The following SAMD13 variants were observed in gnomAD, a reference collection of about 807,000 sequenced individuals.
SAMD13 encodes sterile alpha motif domain-containing protein 13.
Under a neutral mutation model 12.4 loss-of-function variants are expected in SAMD13, and 9 were observed. The observed-to-expected ratio is 0.72, with a 90% CI of 0.44 to 1.26. SAMD13 has a LOEUF of 1.26. Ranked by LOEUF, SAMD13 falls within the 50% of genes most tolerant of loss-of-function variation. The probability of loss-of-function intolerance (pLI) is 0.00; values close to 1 mark genes in which losing one functional copy is unlikely to be tolerated. For synonymous variants in SAMD13, 46 were observed against 45.4 expected (o/e 1.01, Z -0.05); for missense variants, 84 against 119.6 (o/e 0.70, Z 1.39).
At chr1:84,332,612 A>G (rs1679216211) in intron 3 of SAMD13, among the ~76,000 whole-genome samples, 1 of 152,028 alleles carries the variant, frequency 6.6e-6, no homozygotes, top group Admixed American at 6.6e-5. Context: ...TAAGTTTCTT[A>G]TAGATTCTGA....
chr1:84,300,006 G>A (rs184008379), upstream of SAMD13, among the ~76,000 whole-genome samples: 1 of 152,134 alleles, frequency 6.6e-6, no homozygotes, highest in Non-Finnish European at 1.5e-5. Flanking sequence ...CGTCAAGAGT[G>A]GAGAGCTGAA....
chr1:84,329,932 C>G (rs1679139170), intron 3 of SAMD13, among the ~76,000 whole-genome samples: 1 of 152,162 alleles, frequency 6.6e-6, no homozygotes, highest in Non-Finnish European at 1.5e-5. Context: ...ACTCATTCAG[C>G]TAGCAATCCA....
At chr1:84,344,864 A>G (rs1327684363) in intron 3 of SAMD13, 1 of 456,416 alleles carries the variant, frequency 2.2e-6, no homozygotes. Flanking sequence ...CCAGGAAATG[A>G]AATGAGTATG....
At chr1:84,314,586 C>T (rs1176298701) in intron 2 of SAMD13, among the ~76,000 whole-genome samples, 1 of 152,098 alleles carries the variant, frequency 6.6e-6, no homozygotes, top group Non-Finnish European at 1.5e-5. Flanking sequence ...TCCCTGTCCC[C>T]ACAGCCTCAC....
At chr1:84,346,631 A>G (rs1679541596) in intron 3 of SAMD13, among the ~76,000 whole-genome samples, 1 of 152,212 alleles carries the variant, frequency 6.6e-6, no homozygotes, top group Non-Finnish European at 1.5e-5. Flanking sequence ...ACGGAAAGTT[A>G]CTGATAGAGT....
At chr1:84,309,874 T>C (rs1482807455) in intron 2 of SAMD13, among the ~76,000 whole-genome samples, 1 of 152,108 alleles carries the variant, frequency 6.6e-6, no homozygotes, top group Non-Finnish European at 1.5e-5. Context: ...ACCCATTCAC[T>C]TGGCAAAAAA....
intron 3 of SAMD13, among the ~76,000 whole-genome samples, chr1:84,342,737 C>G (rs778132019): frequency 3.3e-5 from 5 of 152,018 alleles, no homozygotes; most frequent in Non-Finnish European, 5.9e-5. Context: ...ATGTAAAACC[C>G]CAAACTATAA....
chr1:84,322,747 C>T (rs1292226836), intron 2 of SAMD13, among the ~76,000 whole-genome samples: 1 of 152,104 alleles, frequency 6.6e-6, no homozygotes, highest in African/African-American at 2.4e-5. Flanking sequence ...CCCTTACCCT[C>T]CATATGAAAG....
rs536712281 is a variant in SAMD13, at chr1:84,338,901, A to G, written c.166-10730A>G. ...ATCTGGGTGGGATCACAGCCAAACCATATCAGCCAGTCTTCAAGCTCTGAG... is the reference window on the plus strand; with the variant it reads ...ATCTGGGTGGGATCACAGCCAAACCGTATCAGCCAGTCTTCAAGCTCTGAG... On this transcript the variant is annotated intron_variant, in intron 3 of 3. Transcript: ENST00000394834. Among the ~76,000 whole-genome samples the G allele has an allele frequency of 1.8e-4, 28 of 152,336 alleles. No individual in the cohort carries two copies. In the South Asian group the frequency reaches 5.2e-3, roughly 28 times the overall value.
rs572254536 is a variant in SAMD13 at position 84,331,494 on chromosome 1, A to G, written c.165+5746A>G. 1.4e-4 allele frequency among the ~76,000 whole-genome samples: 21 copies of G among 152,262 alleles called. No individual in the cohort carries two copies. In the South Asian group the frequency reaches 2.1e-3, roughly 15 times the overall value. On this transcript the variant is annotated intron_variant, in intron 3 of 3. Coordinates refer to ENST00000394834, the MANE Select transcript of SAMD13 (RefSeq NM_001134663.2). Reference sequence around the variant, plus strand: ...ACTTCATCAGCATCTAATAATACCAAGTATTGAAAATATTTGAGGTGCTTT... The same window carrying G: ...ACTTCATCAGCATCTAATAATACCAGGTATTGAAAATATTTGAGGTGCTTT...
At chr1:84,344,667 T>A in intron 3 of SAMD13, 1 of 309,148 alleles carries the variant, frequency 3.2e-6, no homozygotes, top group South Asian at 3.0e-5. Context: ...GGAAAGGCTG[T>A]TTAAAGAAAC....
chr1:84,322,773 G>A (rs560342148), intron 2 of SAMD13, among the ~76,000 whole-genome samples: 6 of 152,100 alleles, frequency 3.9e-5, no homozygotes, highest in South Asian at 2.1e-4. Context: ...CCCGTTCCAC[G>A]TTGCTGCTAT....
chr1:84,339,756 G>T (rs1426795097), intron 3 of SAMD13, among the ~76,000 whole-genome samples: 5 of 152,202 alleles, frequency 3.3e-5, no homozygotes, highest in Non-Finnish European at 7.3e-5. Flanking sequence ...AGGCAGGCCA[G>T]TAAGGGAGAA....
chr1:84,335,535 C>T (rs553416336), intron 3 of SAMD13, among the ~76,000 whole-genome samples: 36 of 152,202 alleles, frequency 2.4e-4, no homozygotes, highest in Admixed American at 2.0e-3. Context: ...GACATTTACT[C>T]TGTTTCCATT....
chr1:84,306,790 C>G (rs992963699), intron 2 of SAMD13, among the ~76,000 whole-genome samples: 21 of 150,770 alleles, frequency 1.4e-4, no homozygotes, highest in Non-Finnish European at 3.1e-4. Flanking sequence ...AAGATTGTGC[C>G]ACTGCACTCC....
At chr1:84,335,261 T>G (rs1679268064) in intron 3 of SAMD13, among the ~76,000 whole-genome samples, 1 of 152,196 alleles carries the variant, frequency 6.6e-6, no homozygotes, top group South Asian at 2.1e-4. Flanking sequence ...GATAGTTACA[T>G]CTTCTTGTTG....
intron 3 of SAMD13, among the ~76,000 whole-genome samples, chr1:84,342,338 A>G (rs1156259045): frequency 2.6e-5 from 4 of 152,244 alleles, no homozygotes; most frequent in African/African-American, 9.6e-5. Flanking sequence ...TCACAGAATT[A>G]CAAGAAACTA....
chr1:84,318,351 G>A (rs1436011760), intron 2 of SAMD13, among the ~76,000 whole-genome samples: 4 of 151,338 alleles, frequency 2.6e-5, no homozygotes, highest in African/African-American at 9.7e-5. Flanking sequence ...TTTCACTTTT[G>A]ATTTATTTGA....
chr1:84,325,702 T>G lies in SAMD13; in HGVS notation c.119T>G (p.Phe40Cys). ...GCCGTGATGGATGTCGTCAATTATT[T>G]CCGAACCGTGGGATTTGAGGAGCAA... is the stretch of plus-strand genomic sequence containing the variant. ...DWAVMDVVNYFRTVGFEEQAS... is the reference protein window; with the variant it reads ...DWAVMDVVNYCRTVGFEEQAS... Residue 40 changes from phenylalanine to cysteine, a missense_variant, in exon 3 of 4, where the codon TTC (phenylalanine) becomes TGC (cysteine). Coordinates refer to ENST00000394834, the MANE Select transcript of SAMD13 (RefSeq NM_001134663.2). 1 of 1,613,570 alleles carries G rather than the reference T, an allele frequency of 6.2e-7. No homozygotes were observed. The highest frequency in any genetic ancestry group is 8.5e-7 in the Non-Finnish European group (1 of 1,179,630).
Sources: allele counts gnomAD v4.1 joint callset (sites outside exome capture counted in the v4.1 genomes callset), GRCh38; gene constraint gnomAD v4.1.1; transcripts MANE v1.5; gene names NCBI Gene and HGNC (gene_info 2026-07-23, HGNC 2026-07-21).